UBR3: variants seen among roughly 807,000 people sequenced by gnomAD.
UBR3 encodes the protein ubiquitin protein ligase E3 component n-recognin 3, also known as E3 ubiquitin-protein ligase UBR3.
UBR3 carries 85 observed loss-of-function variants against 243.2 expected under a neutral mutation model. The ratio of observed to expected loss-of-function variants is 0.35; its 90% CI spans 0.29 to 0.42. UBR3 has a LOEUF of 0.42. Ranked by LOEUF, UBR3 falls within the 10% of genes least tolerant of loss-of-function variation. The pLI is 1.00. For missense variants in UBR3, 1,686 were observed against 2,300.8 expected (o/e 0.73, Z 5.47); for synonymous variants, 748 against 799.8 (o/e 0.94, Z 1.09).
intron 24 of UBR3, among the ~76,000 whole-genome samples, chr2:169,980,796 A>G (rs2088692636): frequency 8.8e-6 from 1 of 113,574 alleles, no homozygotes; most frequent in East Asian, 3.0e-4. Context: ...TTGGTTTCTA[A>G]TACAGTCCCC....
chr2:169,945,628 C>G (rs1250000660), intron 20 of UBR3, among the ~76,000 whole-genome samples: 2 of 152,178 alleles, frequency 1.3e-5, no homozygotes, highest in East Asian at 3.8e-4. Context: ...AAGATGATAT[C>G]TGCCAGGCCA....
intron 19 of UBR3, among the ~76,000 whole-genome samples, chr2:169,938,975 T>C (rs1233112193): frequency 3.9e-5 from 6 of 152,162 alleles, no homozygotes; most frequent in African/African-American, 1.4e-4. Context: ...ATTCACTTTC[T>C]TTAAAGGTTT....
intron 14 of UBR3, among the ~76,000 whole-genome samples, chr2:169,926,405 C>T (rs553439509): frequency 1.7e-3 from 259 of 152,106 alleles, no homozygotes; most frequent in Non-Finnish European, 2.8e-3. Flanking sequence ...CTGGCCAACA[C>T]GTCGAAACCC....
chr2:169,899,883 C>A (rs979688749), intron 8 of UBR3, among the ~76,000 whole-genome samples: 1 of 152,006 alleles, frequency 6.6e-6, no homozygotes, highest in African/African-American at 2.4e-5. Flanking sequence ...GCCACATTTT[C>A]TTTATCTAGT....
At chr2:170,078,534 GT>G (rs1326106220) in intron 36 of UBR3, among the ~76,000 whole-genome samples, 1 of 152,172 alleles carries the variant, frequency 6.6e-6, no homozygotes, top group Non-Finnish European at 1.5e-5. Flanking sequence ...CATTCTGTAG[GT>G]GATTTCTTCC....
At chr2:169,950,755 A>G (rs143903003) in intron 23 of UBR3, among the ~76,000 whole-genome samples, 1 of 152,006 alleles carries the variant, frequency 6.6e-6, no homozygotes, top group Non-Finnish European at 1.5e-5. Flanking sequence ...GTTACTGTGC[A>G]TTGTCACAAA....
chr2:170,079,158 G>A (rs1193054141), intron 36 of UBR3, among the ~76,000 whole-genome samples: 1 of 152,152 alleles, frequency 6.6e-6, no homozygotes, highest in Non-Finnish European at 1.5e-5. Context: ...GCTGCTGCCA[G>A]TATTTTTATA....
chr2:169,924,847 A>G (rs1216427151), intron 13 of UBR3, among the ~76,000 whole-genome samples: 3 of 152,162 alleles, frequency 2.0e-5, no homozygotes, highest in Admixed American at 6.5e-5. Flanking sequence ...ATCCTGGCCA[A>G]CATGGTGAAA....
At chr2:169,847,727 A>G (rs1027054476) in intron 1 of UBR3, among the ~76,000 whole-genome samples, 4 of 152,190 alleles carry the variant, frequency 2.6e-5, no homozygotes, top group African/African-American at 9.6e-5. Context: ...TGTGTCACCT[A>G]TCTAATACCT....
chr2:169,846,567 G>A (rs1164355894), intron 1 of UBR3, among the ~76,000 whole-genome samples: 2 of 152,056 alleles, frequency 1.3e-5, no homozygotes, highest in Admixed American at 1.3e-4. Context: ...AAAATTAGCC[G>A]GACGTGGTGG....
At chr2:170,053,733 G>T (rs1216794141) in intron 32 of UBR3, among the ~76,000 whole-genome samples, 1 of 152,160 alleles carries the variant, frequency 6.6e-6, no homozygotes, top group East Asian at 1.9e-4. Flanking sequence ...ACAGGACTTG[G>T]TGATTATTTT....
Position 169,924,104 on chromosome 2 carries a change from A to G in UBR3, c.1953A>G (p.Leu651=), listed in dbSNP as rs1204140205. 4.5e-6 allele frequency: 7 copies of G among 1,544,720 alleles called. No individual in the cohort carries two copies. The highest frequency in any genetic ancestry group is 4.0e-5 in the Admixed American group (2 of 49,706). ...FLSKAVKCQE[L]DLDSVLPDQE... is the part of the protein sequence containing the mutation. ...TTTAGGCTGTGAAATGTCAAGAACT[A>G]GATTTGGATTCTGTTTTACCAGATC... The change falls in exon 13 of 39, where the codon CTA becomes CTG. Residue 651 remains leucine, a synonymous_variant. Coordinates refer to ENST00000272793, the MANE Select transcript of UBR3 (RefSeq NM_172070.4).
intron 5 of UBR3, among the ~76,000 whole-genome samples, chr2:169,880,601 T>C (rs1486619072): frequency 6.6e-6 from 1 of 152,128 alleles, no homozygotes; most frequent in African/African-American, 2.4e-5. Context: ...AGGACATCCT[T>C]GTGTGTGTGT....
At chr2:169,978,812 G>A (rs2088585726) in intron 24 of UBR3, among the ~76,000 whole-genome samples, 1 of 152,110 alleles carries the variant, frequency 6.6e-6, no homozygotes, top group South Asian at 2.1e-4. Flanking sequence ...CTCCAGGGAA[G>A]CAAGTTACTA....
In UBR3 at chr2:169,949,668, A is replaced by G; in HGVS notation, c.3148A>G (p.Ile1050Val). Residue 1050 changes from isoleucine (I) to valine (V), a missense_variant, in exon 23 of 39, where the codon ATC becomes GTC. Ile to Val is a conservative substitution (Grantham distance 29). Coordinates refer to ENST00000272793, the MANE Select transcript of UBR3 (RefSeq NM_172070.4). ...AERRKKFQEI[I>V]NRSSSEANQV... Reference sequence around the variant, plus strand: ...ACGTAGAAAGAAATTTCAGGAAATCATCAATCGCAGTAGCAGTGAAGCAAA... The same window carrying G: ...ACGTAGAAAGAAATTTCAGGAAATCGTCAATCGCAGTAGCAGTGAAGCAAA... The G allele has an allele frequency of 1.3e-6, 2 of 1,551,208 alleles. No individual in the cohort carries two copies. Among genetic ancestry groups the G allele is most frequent in the Non-Finnish European group, 8.7e-7 (1 of 1,146,622 alleles).
At chr2:170,036,856 A>G (rs2090845299) in intron 31 of UBR3, among the ~76,000 whole-genome samples, 1 of 152,130 alleles carries the variant, frequency 6.6e-6, no homozygotes, top group African/African-American at 2.4e-5. Context: ...TAGCCAGATC[A>G]ATCAGACCTT....
chr2:169,967,778 T>G (rs2087891112), intron 24 of UBR3, among the ~76,000 whole-genome samples: 1 of 152,168 alleles, frequency 6.6e-6, no homozygotes, highest in Non-Finnish European at 1.5e-5. Flanking sequence ...TTTGTCCTTT[T>G]ATTTTTAACA....
At chr2:169,986,907 C>T (rs759702220) in intron 25 of UBR3, 113 bp downstream of exon 25, 5 of 1,156,832 alleles carry the variant, frequency 4.3e-6, no homozygotes, top group Non-Finnish European at 6.0e-6. Flanking sequence ...TATAACTAGG[C>T]AAGGGTCAGT....
intron 23 of UBR3, 76 bp from the exon 24 acceptor site, chr2:169,958,362 A>G (rs745873414): frequency 9.8e-6 from 13 of 1,332,058 alleles, no homozygotes; most frequent in Non-Finnish European, 1.4e-5. Flanking sequence ...CTTTTCATAC[A>G]TTATATACTC....
Sources: allele counts gnomAD v4.1 joint callset (sites outside exome capture counted in the v4.1 genomes callset), GRCh38; gene constraint gnomAD v4.1.1; transcripts MANE v1.5; gene names NCBI Gene and HGNC (gene_info 2026-07-23, HGNC 2026-07-21).